The following GSG1L variants were observed in gnomAD, a reference collection of about 807,000 sequenced individuals.
GSG1L encodes the protein GSG1 like, also known as germ cell-specific gene 1-like protein.
In GSG1L, 24 loss-of-function variants were observed where a neutral mutation model predicts 42.1. The ratio of observed to expected loss-of-function variants is 0.57; its 90% confidence interval spans 0.41 to 0.80. GSG1L has a LOEUF of 0.80. Ranked by LOEUF, GSG1L falls within the 30% of genes least tolerant of loss-of-function variation. The pLI is 0.00. For missense variants in GSG1L, 445 were observed against 472.2 expected (o/e 0.94, Z 0.53); for synonymous variants, 215 against 203.5 (o/e 1.06, Z -0.48).
At chr16:27,937,333 C>T (rs572304214) in intron 2 of GSG1L, among the ~76,000 whole-genome samples, 1 of 152,152 alleles carries the variant, frequency 6.6e-6, no homozygotes, top group South Asian at 2.1e-4. Context: ...ACCTCCATCT[C>T]CAGGTTCAAG....
At chr16:27,953,673 G>T (rs2084975213) in intron 2 of GSG1L, among the ~76,000 whole-genome samples, 1 of 152,142 alleles carries the variant, frequency 6.6e-6, no homozygotes, top group Non-Finnish European at 1.5e-5. Context: ...GAGGTCAGGA[G>T]TTCAAAACAA....
Position 27,803,778 on chromosome 16 carries a change from T to TATATATAG in GSG1L, c.898+3708_898+3709insCTATATAT, listed in dbSNP as rs1555500694. Among the ~76,000 whole-genome samples, 8 of 80,912 alleles carry TATATATAG rather than the reference T, an allele frequency of 9.9e-5. No homozygotes were observed. The Admixed American group carries it at 1.2e-3, about 12-fold the overall frequency. 53.1% of individuals were successfully genotyped at this position (80,912 alleles called of 152,430 possible). On this transcript the variant is annotated intron_variant, in intron 6 of 6. Coordinates refer to ENST00000447459, the MANE Select transcript of GSG1L (RefSeq NM_001109763.2). ...CCCACAGTGCAGACATATATATATA[T>TATATATAG]ATATATATATATATATAGATAGATA...
chr16:27,834,000 A>G (rs1248570286), intron 4 of GSG1L, among the ~76,000 whole-genome samples: 4 of 152,140 alleles, frequency 2.6e-5, no homozygotes, highest in Non-Finnish European at 5.9e-5. Context: ...CACTATGTTG[A>G]ATAATAATGG....
intron 1 of GSG1L, among the ~76,000 whole-genome samples, chr16:27,991,177 A>G (rs1186286183): frequency 6.6e-6 from 1 of 152,210 alleles, no homozygotes; most frequent in Non-Finnish European, 1.5e-5. Context: ...TCCAGCCTTG[A>G]CAGTTGTTTC....
intron 2 of GSG1L, among the ~76,000 whole-genome samples, chr16:27,957,741 G>A (rs536561649): frequency 5.9e-5 from 9 of 152,302 alleles, no homozygotes; most frequent in Admixed American, 2.0e-4. Flanking sequence ...CTGAGGCTGC[G>A]TAATTTACAA....
intron 4 of GSG1L, among the ~76,000 whole-genome samples, chr16:27,842,906 T>G (rs2083402650): frequency 6.6e-6 from 1 of 151,902 alleles, no homozygotes; most frequent in Non-Finnish European, 1.5e-5. Context: ...TGTTTTGCCT[T>G]CAAAATTCTT....
intron 1 of GSG1L, among the ~76,000 whole-genome samples, chr16:28,012,118 T>C (rs1250016348): frequency 6.6e-6 from 1 of 152,132 alleles, no homozygotes; most frequent in Non-Finnish European, 1.5e-5. Context: ...TCAGATTTCA[T>C]ACTCCCACGC....
chr16:27,789,695 G>GATGGATGA lies in GSG1L; in HGVS notation c.*1674_*1675insTCATCCAT, dbSNP rs1387804636. ...ATAGACAATGAATGGATAGATGATG[G>GATGGATGA]ATGGATGGATGGATGGATGGATGAT... On this transcript the variant is annotated 3_prime_UTR_variant, in exon 7 of 7. Transcript: ENST00000447459. 4 of 143,294 alleles carry GATGGATGA rather than the reference G, an allele frequency of 2.8e-5. No homozygotes were observed. Among genetic ancestry groups the GATGGATGA allele is most frequent in the African/African-American group, 1.1e-4 (4 of 37,760 alleles). The allele number at this position is 143,294 out of a possible 1,614,324, so 8.9% of individuals were successfully genotyped here.
Position 27,986,751 on chromosome 16 carries a change from G to T in GSG1L, c.350-23548C>A, listed in dbSNP as rs1039590483. Among the ~76,000 whole-genome samples, 85 of 152,294 alleles carry T rather than the reference G, an allele frequency of 5.6e-4. 1 individual carries two copies. The highest frequency in any genetic ancestry group is 1.9e-3 in the African/African-American group (80 of 41,564). On this transcript the variant is annotated intron_variant, in intron 1 of 6. Coordinates refer to ENST00000447459, the MANE Select transcript of GSG1L (RefSeq NM_001109763.2). ...CAGTGTAAAAGTGGGACCTTGATTTGGGGAGACCTAAGTGTTCTGCCTTCC... is the reference window on the plus strand; with the variant it reads ...CAGTGTAAAAGTGGGACCTTGATTTTGGGAGACCTAAGTGTTCTGCCTTCC...
intron 2 of GSG1L, among the ~76,000 whole-genome samples, chr16:27,957,087 G>T (rs2085014380): frequency 6.6e-6 from 1 of 152,210 alleles, no homozygotes; most frequent in Non-Finnish European, 1.5e-5. Context: ...GGTGGCTCAT[G>T]CCTGTAATCC....
chr16:27,894,353 C>T lies in GSG1L; in HGVS notation c.398-9715G>A, dbSNP rs142918936. On this transcript the variant is annotated intron_variant, in intron 2 of 6. Transcript: ENST00000447459. ...AAGTAGCCAAGGAGGATTAGGAAAC[C>T]GGAACAAGTGCATTATCAGCCACTG... Among the ~76,000 whole-genome samples the T allele has an allele frequency of 2.0e-3, 309 of 152,280 alleles. 1 individual carries two copies. Among genetic ancestry groups the T allele is most frequent in the Non-Finnish European group, 3.6e-3 (244 of 68,028 alleles).
intron 3 of GSG1L, among the ~76,000 whole-genome samples, chr16:27,866,078 C>T (rs1280919479): frequency 6.6e-6 from 1 of 151,862 alleles, no homozygotes; most frequent in Non-Finnish European, 1.5e-5. Flanking sequence ...TTCTATTTTC[C>T]ACCTCTGTTT....
Position 28,059,448 on chromosome 16 carries a change from G to A in GSG1L, c.349+3628C>T, listed in dbSNP as rs1236293400. ...CTCTCTCCAGTCTCACCTCCCTCCT[G>A]CCAGCCTGGCAAGTCCCCCAAGACC... On this transcript the variant is annotated intron_variant, in intron 1 of 6. Transcript: ENST00000447459. The surrounding 1 kb of genome is among the most constrained non-coding windows in gnomAD (Gnocchi z 4.4). 2.0e-5 allele frequency among the ~76,000 whole-genome samples: 3 copies of A among 151,750 alleles called. No individual in the cohort carries two copies. The highest frequency in any genetic ancestry group is 1.3e-4 in the Admixed American group (2 of 15,242).
At chr16:27,825,866 G>A (rs141316444) in intron 5 of GSG1L, among the ~76,000 whole-genome samples, 14,934 of 152,178 alleles carry the variant, frequency 0.098, 864 homozygotes, top group African/African-American at 0.16. Flanking sequence ...GAAGAAGGAC[G>A]TGTTTGCTTC....
chr16:27,905,177 TGAA>T (rs765869336), intron 2 of GSG1L, among the ~76,000 whole-genome samples: 6 of 152,218 alleles, frequency 3.9e-5, no homozygotes, highest in African/African-American at 9.6e-5. Flanking sequence ...GGACAAGATT[TGAA>T]GAAGGTCACA....
intron 1 of GSG1L, among the ~76,000 whole-genome samples, chr16:27,984,953 T>C (rs1323843313): frequency 6.6e-6 from 1 of 152,114 alleles, no homozygotes. Context: ...AGATGGGGTT[T>C]TGCCATGTTG....
At chr16:27,832,828 G>A (rs886437616) in intron 4 of GSG1L, among the ~76,000 whole-genome samples, 2 of 152,160 alleles carry the variant, frequency 1.3e-5, no homozygotes, top group African/African-American at 4.8e-5. Context: ...GTTGTTTACT[G>A]TTGGGGTTTT....
At chr16:27,941,609 G>C in intron 2 of GSG1L, among the ~76,000 whole-genome samples, 1 of 146,016 alleles carries the variant, frequency 6.8e-6, no homozygotes, top group Non-Finnish European at 1.5e-5. Flanking sequence ...GGAGGCAGAG[G>C]TTGCCGTGAG....
intron 3 of GSG1L, among the ~76,000 whole-genome samples, chr16:27,852,409 A>G (rs1027785222): frequency 6.6e-6 from 1 of 151,650 alleles, no homozygotes; most frequent in Non-Finnish European, 1.5e-5. Context: ...AGAGGCAGAC[A>G]CACAGGCTGG....
Sources: allele counts gnomAD v4.1 joint callset (sites outside exome capture counted in the v4.1 genomes callset), GRCh38; gene constraint gnomAD v4.1.1; non-coding constraint Gnocchi (gnomAD v3.1); transcripts MANE v1.5; gene names NCBI Gene and HGNC (gene_info 2026-07-23, HGNC 2026-07-21).